LAMB3: variants seen among roughly 807,000 people sequenced by gnomAD.
The protein encoded by LAMB3 is laminin subunit beta 3.
Under a neutral mutation model 140.3 loss-of-function variants are expected in LAMB3, and 104 were observed. That is an observed-to-expected ratio of 0.74 (90% CI 0.63 to 0.87). The LOEUF is 0.87. Among genes scored for constraint, LAMB3 ranks in the 40% least tolerant of loss-of-function variants. The pLI is 0.00. For synonymous variants in LAMB3, 592 were observed against 602.9 expected, an observed-to-expected ratio of 0.98 and a Z score of 0.26; for missense variants, 1,531 against 1,575.2, an observed-to-expected ratio of 0.97 and a Z score of 0.47.
chr1:209,641,283 A>C (rs1327908321), intron 3 of LAMB3, among the ~76,000 whole-genome samples: 2 of 152,194 alleles, frequency 1.3e-5, no homozygotes, highest in African/African-American at 2.4e-5. Flanking sequence ...TAGGTAATAA[A>C]GCATCAGTAG....
intron 3 of LAMB3, among the ~76,000 whole-genome samples, chr1:209,640,645 A>C (rs2076460376): frequency 6.6e-6 from 1 of 151,892 alleles, no homozygotes; most frequent in African/African-American, 2.4e-5. Flanking sequence ...TTTTTTTCAT[A>C]GTACATATCT....
At chr1:209,626,355 T>G (rs1345868949) in intron 13 of LAMB3, among the ~76,000 whole-genome samples, 13 of 151,508 alleles carry the variant, frequency 8.6e-5, no homozygotes, top group Non-Finnish European at 1.5e-5. Context: ...AGCATGCCTC[T>G]TCCTCTAAGA....
chr1:209,636,073 TC>T (rs1414918684), intron 5 of LAMB3, among the ~76,000 whole-genome samples: 1 of 152,206 alleles, frequency 6.6e-6, no homozygotes, highest in Non-Finnish European at 1.5e-5. Context: ...CCTGCTCACG[TC>T]TGGCCCACCC....
intron 5 of LAMB3, 45 bp from the exon 6 acceptor site, chr1:209,634,683 T>C (rs778282400): frequency 1.3e-6 from 2 of 1,507,538 alleles, no homozygotes; most frequent in Non-Finnish European, 1.8e-6. Context: ...ACTGGGGCTG[T>C]GCCCCGTGGA....
intron 3 of LAMB3, among the ~76,000 whole-genome samples, chr1:209,645,732 A>AAAAG (rs2076511945): frequency 6.6e-6 from 1 of 151,800 alleles, no homozygotes; most frequent in Non-Finnish European, 1.5e-5. Context: ...GAAAAAAAAA[A>AAAAG]AAAAAAGCAG....
intron 3 of LAMB3, among the ~76,000 whole-genome samples, chr1:209,639,962 A>G (rs995096872): frequency 6.6e-6 from 1 of 152,192 alleles, no homozygotes; most frequent in Non-Finnish European, 1.5e-5. Flanking sequence ...GAGTGGATAT[A>G]TGGGGCCTAT....
intron 18 of LAMB3, among the ~76,000 whole-genome samples, chr1:209,620,495 A>C (rs1169904313): frequency 6.6e-6 from 1 of 152,218 alleles, no homozygotes; most frequent in Non-Finnish European, 1.5e-5. Flanking sequence ...TCGCAAAGGC[A>C]AGAGGCAAGA....
At chr1:209,622,858 G>T in intron 17 of LAMB3, 124 bp downstream of exon 17, 2 of 1,343,254 alleles carry the variant, frequency 1.5e-6, no homozygotes, top group Non-Finnish European at 2.1e-6. Flanking sequence ...ACTTGCTGTG[G>T]CACCTTAAGC....
intron 1 of LAMB3, among the ~76,000 whole-genome samples, chr1:209,651,588 G>A (rs917482667): frequency 6.6e-6 from 1 of 152,236 alleles, no homozygotes; most frequent in South Asian, 2.1e-4. Flanking sequence ...ACAAGTGAGT[G>A]AGGGTTTCTT....
In LAMB3 at chr1:209,626,033, C is replaced by A; in HGVS notation, c.1598-7G>T. 1.2e-6 allele frequency: 2 copies of A among 1,611,762 alleles called. No homozygotes were observed. Among genetic ancestry groups the A allele is most frequent in the East Asian group, 2.2e-5 (1 of 44,854 alleles). On this transcript the variant is annotated splice_polypyrimidine_tract_variant and splice_region_variant and intron_variant, in intron 13 of 22. Coordinates refer to ENST00000356082, the MANE Select transcript of LAMB3 (RefSeq NM_000228.3). ...CGGAAATCACAGTCACAGGCTAGGG[C>A]CAAGAAAAATGACAGTCAGAGACAG...
chr1:209,642,890 C>T (rs981100566), intron 3 of LAMB3, among the ~76,000 whole-genome samples: 1 of 152,220 alleles, frequency 6.6e-6, no homozygotes, highest in Non-Finnish European at 1.5e-5. Context: ...CCCTGCTCCT[C>T]CCTCAGTCTT....
intron 3 of LAMB3, among the ~76,000 whole-genome samples, chr1:209,639,713 T>C (rs1412680210): frequency 1.3e-5 from 2 of 152,062 alleles, no homozygotes; most frequent in African/African-American, 2.4e-5. Context: ...AGCTCCCCCA[T>C]ATAACATACA....
In LAMB3 at chr1:209,646,438, G is replaced by C. The variant is rs140245694; in HGVS notation, c.183+3526C>G. Among the ~76,000 whole-genome samples, 129 of 152,306 alleles carry C rather than the reference G, an allele frequency of 8.5e-4. 1 individual carries two copies. The highest frequency in any genetic ancestry group is 3.0e-3 in the African/African-American group (124 of 41,560). On this transcript the variant is annotated intron_variant, in intron 3 of 22. Coordinates refer to ENST00000356082, the MANE Select transcript of LAMB3 (RefSeq NM_000228.3). ...AAATGGTGGTTTGGTGAAGAGCCCT[G>C]ACTTTCACAAGGCCACATCCCTGTT...
Position 209,622,699 on chromosome 1 carries a change from G to A in LAMB3, c.2557-19C>T. The A allele has an allele frequency of 1.9e-6, 3 of 1,614,024 alleles. No individual in the cohort carries two copies. The highest frequency in any genetic ancestry group is 2.5e-6 in the Non-Finnish European group (3 of 1,179,990). ...CCCTAATCTGTTGACATACACTCTA[G>A]GTCAGAAGGGGTAAGGCCCCAAGGG... is the stretch of plus-strand genomic sequence containing the variant. On this transcript the variant is annotated intron_variant, in intron 17 of 22. Transcript: ENST00000356082.
intron 3 of LAMB3, among the ~76,000 whole-genome samples, chr1:209,647,309 G>C (rs1434714242): frequency 6.6e-6 from 1 of 152,248 alleles, no homozygotes; most frequent in East Asian, 1.9e-4. Context: ...TGGAGGAAGG[G>C]AACTAGGAGA....
chr1:209,634,482 G>T lies in LAMB3; in HGVS notation c.529C>A (p.Pro177Thr). 1 of 1,614,062 alleles carries T rather than the reference G, an allele frequency of 6.2e-7. No individual in the cohort carries two copies. Among genetic ancestry groups the T allele is most frequent in the Non-Finnish European group, 8.5e-7 (1 of 1,180,014 alleles). ...TTTAGGCGTGCATTAGGCCTCTGAG[G>T]CAGGGACTGGCACCGAACATCCTGC... ...SWQDVRCQSL[P>T]QRPNARLNGG... Residue 177 changes from proline to threonine, a missense_variant, in exon 6 of 23, where the codon CCT becomes ACT. Pro to Thr is a conservative substitution (Grantham distance 38). Transcript: ENST00000356082.
chr1:209,624,568 C>A (rs1252265746), intron 14 of LAMB3, among the ~76,000 whole-genome samples: 1 of 152,216 alleles, frequency 6.6e-6, no homozygotes, highest in Non-Finnish European at 1.5e-5. Context: ...ACATTCTCCA[C>A]CTCCAGGCTT....
intron 19 of LAMB3, 42 bp from the exon 20 acceptor site, chr1:209,618,090 T>A (rs1268110594): frequency 6.2e-7 from 1 of 1,612,190 alleles, no homozygotes; most frequent in East Asian, 2.2e-5. Context: ...AGAGAATGAG[T>A]GAACAGTGAA....
In LAMB3 at chr1:209,651,884, G is replaced by C. The variant is rs543434939; in HGVS notation, c.-38+485C>G. On this transcript the variant is annotated intron_variant, in intron 1 of 22. Transcript: ENST00000356082. ...GGGCTTGGCAAGGCAGGGGCGGGGG[G>C]GGAAATTGAGGACATTTCTGGCATC... Among the ~76,000 whole-genome samples, 931 of 151,884 alleles carry C rather than the reference G, an allele frequency of 6.1e-3. 11 individuals carry two copies. The highest frequency in any genetic ancestry group is 0.021 in the African/African-American group (884 of 41,334).
Sources: gnomAD v4.1 joint callset for allele counts (sites outside exome capture counted in the v4.1 genomes callset) on GRCh38, gnomAD v4.1.1 for gene constraint, MANE v1.5 for transcripts, NCBI Gene and HGNC (gene_info 2026-07-23, HGNC 2026-07-21) for gene names.